The following GRIN2B variants were observed in gnomAD, a reference collection of about 807,000 sequenced individuals.
GRIN2B encodes the protein glutamate ionotropic receptor NMDA type subunit 2B.
GRIN2B carries 5 observed loss-of-function variants against 114.5 expected under a neutral mutation model. The observed-to-expected ratio is 0.04, with a 90% CI of 0.02 to 0.09. The LOEUF (loss-of-function observed/expected upper bound fraction) is 0.09, where lower values mean the gene tolerates loss of function less well. Ranked by LOEUF, GRIN2B falls within the 10% of genes least tolerant of loss-of-function variation. GRIN2B has a pLI of 1.00. For synonymous variants in GRIN2B, 787 were observed against 745.1 expected (o/e 1.06, Z -0.92); for missense variants, 1,108 against 1,943.5 (o/e 0.57, Z 8.08).
intron 4 of GRIN2B, among the ~76,000 whole-genome samples, chr12:13,709,114 T>C (rs947227262): frequency 3.3e-5 from 5 of 152,024 alleles, no homozygotes; most frequent in Admixed American, 6.6e-5. Flanking sequence ...GAAACCTTGA[T>C]AAAATTCATG....
At chr12:13,639,589 C>A (rs992979603) in intron 5 of GRIN2B, among the ~76,000 whole-genome samples, 4 of 152,168 alleles carry the variant, frequency 2.6e-5, no homozygotes, top group African/African-American at 9.6e-5. Flanking sequence ...CCTGAAAATT[C>A]TGCAGTTCTC....
chr12:13,861,249 A>G (rs1865746722), intron 3 of GRIN2B, among the ~76,000 whole-genome samples: 1 of 152,192 alleles, frequency 6.6e-6, no homozygotes, highest in Non-Finnish European at 1.5e-5. Context: ...AGGTTTCAAA[A>G]CAGGTATTCC....
At chr12:13,804,085 G>A (rs1225893365) in intron 3 of GRIN2B, among the ~76,000 whole-genome samples, 1 of 151,296 alleles carries the variant, frequency 6.6e-6, no homozygotes, top group Non-Finnish European at 1.5e-5. Flanking sequence ...ATTCCTGGGT[G>A]ATCAAGTATA....
chr12:13,695,567 G>A (rs1950252694), intron 4 of GRIN2B, among the ~76,000 whole-genome samples: 1 of 152,028 alleles, frequency 6.6e-6, no homozygotes, highest in African/African-American at 2.4e-5. Flanking sequence ...GAATGATGAA[G>A]GTATAGCTGC....
intron 4 of GRIN2B, among the ~76,000 whole-genome samples, chr12:13,739,556 G>T (rs1038768530): frequency 1.1e-4 from 17 of 152,116 alleles, no homozygotes; most frequent in African/African-American, 4.1e-4. Context: ...GGTCTCTCCT[G>T]GCCAGAGAGA....
intron 10 of GRIN2B, among the ~76,000 whole-genome samples, chr12:13,583,918 T>G (rs1395524948): frequency 6.6e-6 from 1 of 152,092 alleles, no homozygotes; most frequent in African/African-American, 2.4e-5. Context: ...TAAAGCAGCA[T>G]GGCTCGAAGA....
chr12:13,957,730 C>T (rs1867616839), intron 2 of GRIN2B, among the ~76,000 whole-genome samples: 1 of 152,174 alleles, frequency 6.6e-6, no homozygotes, highest in Non-Finnish European at 1.5e-5. Context: ...CAGTCGGCTC[C>T]CTCATCTCTC....
chr12:13,745,030 C>A (rs1236167354), intron 4 of GRIN2B, among the ~76,000 whole-genome samples: 1 of 152,162 alleles, frequency 6.6e-6, no homozygotes, highest in African/African-American at 2.4e-5. Flanking sequence ...ACCACCTATG[C>A]ATCCCTGACA....
intron 2 of GRIN2B, among the ~76,000 whole-genome samples, chr12:13,876,178 T>C (rs936743770): frequency 7.2e-5 from 11 of 152,200 alleles, no homozygotes; most frequent in Non-Finnish European, 1.5e-4. Context: ...AGAGCTAGAA[T>C]TGAAACCTGG....
chr12:13,763,498 T>C (rs1863720023), intron 3 of GRIN2B, among the ~76,000 whole-genome samples: 1 of 152,242 alleles, frequency 6.6e-6, no homozygotes, highest in Admixed American at 6.5e-5. Flanking sequence ...AGAAGCTGCC[T>C]AAATCCTTGA....
chr12:13,702,764 A>G (rs545498992), intron 4 of GRIN2B, among the ~76,000 whole-genome samples: 3 of 152,316 alleles, frequency 2.0e-5, no homozygotes, highest in South Asian at 4.1e-4. Context: ...CCAGGCCAGC[A>G]TTAAAAATTT....
chr12:13,659,842 T>C (rs1949903273), intron 5 of GRIN2B, among the ~76,000 whole-genome samples: 1 of 152,196 alleles, frequency 6.6e-6, no homozygotes, highest in Non-Finnish European at 1.5e-5. Context: ...TGTCTTATCA[T>C]TTATTAGTTA....
At chr12:13,606,061 T>C (rs1449144979) in intron 10 of GRIN2B, among the ~76,000 whole-genome samples, 2 of 152,182 alleles carry the variant, frequency 1.3e-5, no homozygotes, top group Admixed American at 6.5e-5. Flanking sequence ...ACTACCTCTC[T>C]GCCACAGCCT....
Position 13,596,531 on chromosome 12 carries a change from C to T in GRIN2B, c.2010+12072G>A, listed in dbSNP as rs1472486627. 7.2e-5 allele frequency among the ~76,000 whole-genome samples: 11 copies of T among 152,302 alleles called. No individual in the cohort carries two copies. In the East Asian group the frequency reaches 2.1e-3, roughly 29 times the overall value. ...TCCTTCCCTCCACTCCATTTCTTCC[C>T]TCTCTGCCTTTTCTACTTTTCCCAT... On this transcript the variant is annotated intron_variant, in intron 10 of 13. Coordinates refer to ENST00000609686, the MANE Select transcript of GRIN2B (RefSeq NM_000834.5).
intron 4 of GRIN2B, among the ~76,000 whole-genome samples, chr12:13,712,857 T>C (rs1015924690): frequency 6.6e-6 from 1 of 151,920 alleles, no homozygotes; most frequent in Non-Finnish European, 1.5e-5. Context: ...CTTCAAACAG[T>C]TCTTGGAGAT....
chr12:13,579,182 G>A (rs546151654), intron 10 of GRIN2B, among the ~76,000 whole-genome samples: 1 of 152,340 alleles, frequency 6.6e-6, no homozygotes, highest in Middle Eastern at 3.4e-3. Context: ...CAGAGACCAC[G>A]AGCAGCTTAT....
At chr12:13,782,559 A>G (rs76401590) in intron 3 of GRIN2B, among the ~76,000 whole-genome samples, 4,494 of 152,344 alleles carry the variant, frequency 0.029, 107 homozygotes, top group Middle Eastern at 0.058. Flanking sequence ...AAAGAATTCT[A>G]GATTATCTCT....
At chr12:13,897,930 C>T (rs1866379073) in intron 2 of GRIN2B, among the ~76,000 whole-genome samples, 2 of 151,244 alleles carry the variant, frequency 1.3e-5, no homozygotes, top group Admixed American at 6.6e-5. Flanking sequence ...TATTGTCTAC[C>T]CTCCCAATAT....
At chr12:13,577,358 C>T (rs1248307700) in intron 10 of GRIN2B, among the ~76,000 whole-genome samples, 2 of 152,190 alleles carry the variant, frequency 1.3e-5, no homozygotes, top group Non-Finnish European at 2.9e-5. Flanking sequence ...ATTCAGCCCT[C>T]TGAGCTGTTC....
Sources: gnomAD v4.1 joint callset for allele counts (sites outside exome capture counted in the v4.1 genomes callset) on GRCh38, gnomAD v4.1.1 for gene constraint, MANE v1.5 for transcripts, NCBI Gene and HGNC (gene_info 2026-07-23, HGNC 2026-07-21) for gene names.